SNRPA: variants seen among roughly 807,000 people sequenced by gnomAD.
SNRPA encodes small nuclear ribonucleoprotein polypeptide A.
In SNRPA, 10 loss-of-function variants were observed where a neutral mutation model predicts 24.5. The observed-to-expected ratio is 0.41, with a 90% CI of 0.25 to 0.69. The LOEUF (loss-of-function observed/expected upper bound fraction) is 0.69. SNRPA is among the 30% of genes least tolerant of loss of function. The pLI is 0.33. For synonymous variants in SNRPA, 165 were observed against 148.4 expected, an observed-to-expected ratio of 1.11 and a Z score of -0.81; for missense variants, 283 against 394.7, an observed-to-expected ratio of 0.72 and a Z score of 2.40.
At chr19:40,752,579 CAAAAAAA>C (rs59705765) in intron 1 of SNRPA, among the ~76,000 whole-genome samples, 1 of 61,280 alleles carries the variant, frequency 1.6e-5, no homozygotes, top group African/African-American at 6.5e-5. Context: ...CTTTTCTCTA[CAAAAAAA>C]AAAAAAAAAA....
intron 1 of SNRPA, among the ~76,000 whole-genome samples, chr19:40,756,197 AG>A (rs1487683894): frequency 6.6e-6 from 1 of 151,452 alleles, no homozygotes; most frequent in Non-Finnish European, 1.5e-5. Context: ...TGAGCCTGGG[AG>A]GTCAGGCCTG....
chr19:40,755,756 T>G (rs902172840), intron 1 of SNRPA, among the ~76,000 whole-genome samples: 2 of 152,200 alleles, frequency 1.3e-5, no homozygotes, highest in African/African-American at 4.8e-5. Flanking sequence ...CTTGTTGAGC[T>G]TGAATCTCAC....
chr19:40,754,716 A>G (rs2082901065), intron 1 of SNRPA, among the ~76,000 whole-genome samples: 1 of 152,114 alleles, frequency 6.6e-6, no homozygotes, highest in Admixed American at 6.6e-5. Context: ...TGAGCTGTGC[A>G]CTGGTGGCTC....
chr19:40,759,699 C>A, intron 3 of SNRPA, 89 bp downstream of exon 3: 1 of 1,209,602 alleles, frequency 8.3e-7, no homozygotes, highest in South Asian at 1.6e-5. Flanking sequence ...GGAGAGTTCT[C>A]CCCTTGGGGC....
intron 4 of SNRPA, 91 bp from the exon 5 acceptor site, chr19:40,763,495 AG>A: frequency 1.0e-6 from 1 of 983,788 alleles, no homozygotes; most frequent in Non-Finnish European, 1.6e-6. Context: ...AGTGAATTCA[AG>A]CAGGGTGAGG....
chr19:40,754,292 G>A (rs962918238), intron 1 of SNRPA, among the ~76,000 whole-genome samples: 5 of 151,888 alleles, frequency 3.3e-5, no homozygotes, highest in African/African-American at 9.7e-5. Flanking sequence ...TAGTAGAGAC[G>A]GGGTTTCACC....
At chr19:40,758,838 T>A (rs919377436) in intron 2 of SNRPA, 2 of 152,124 alleles carry the variant, frequency 1.3e-5, no homozygotes, top group Non-Finnish European at 2.9e-5. Context: ...GCGATTCTTC[T>A]GCCTCAGCCT....
chr19:40,755,434 G>A (rs2082905040), intron 1 of SNRPA, among the ~76,000 whole-genome samples: 1 of 151,652 alleles, frequency 6.6e-6, no homozygotes, highest in Non-Finnish European at 1.5e-5. Context: ...GAGTCCAGTG[G>A]TGAGGTCATG....
At chr19:40,762,788 C>T (rs1178367896) in intron 3 of SNRPA, 113 bp from the exon 4 acceptor site, 5 of 1,142,564 alleles carry the variant, frequency 4.4e-6, no homozygotes, top group Non-Finnish European at 6.2e-6. Context: ...GCCTTTTGCG[C>T]CTCTTTCTGG....
At chr19:40,757,607 T>G in intron 2 of SNRPA, 103 bp downstream of exon 2, 1 of 1,162,228 alleles carries the variant, frequency 8.6e-7, no homozygotes, top group Non-Finnish European at 1.2e-6. Context: ...TTTGCCAAGG[T>G]GAGGCTGGAC....
chr19:40,753,265 A>G (rs1043004055), intron 1 of SNRPA, among the ~76,000 whole-genome samples: 13 of 151,344 alleles, frequency 8.6e-5, no homozygotes, highest in African/African-American at 3.2e-4. Context: ...TGAGCAGGAG[A>G]ATCACTTGAA....
chr19:40,754,229 A>C lies in SNRPA; in HGVS notation c.73+2748A>C, dbSNP rs554358812. Among the ~76,000 whole-genome samples the C allele has an allele frequency of 3.3e-5, 5 of 151,710 alleles. No individual in the cohort carries two copies. In the East Asian group the frequency reaches 9.7e-4, roughly 29 times the overall value. On this transcript the variant is annotated intron_variant, in intron 1 of 5. Transcript: ENST00000243563. Reference sequence around the variant, plus strand: ...AGTGATTCTCTGCCTCAGCCTCCTGAGTAGCTGGGATTCCAAGCACCTGCT... The same window carrying C: ...AGTGATTCTCTGCCTCAGCCTCCTGCGTAGCTGGGATTCCAAGCACCTGCT...
Position 40,757,505 on chromosome 19 carries a change from G to A in SNRPA, c.246+1G>A. 10 of 1,608,902 alleles carry A rather than the reference G, an allele frequency of 6.2e-6. No individual in the cohort carries two copies. The highest frequency in any genetic ancestry group is 8.5e-6 in the Non-Finnish European group (10 of 1,177,462). Reference sequence around the variant, plus strand: ...TTTCCCTTTCTATGACAAACCTATGGTGAGCATTGCGGGTACGGAGGCTGT... The same window carrying A: ...TTTCCCTTTCTATGACAAACCTATGATGAGCATTGCGGGTACGGAGGCTGT... On this transcript the variant is annotated splice_donor_variant, in intron 2 of 5. Transcript: ENST00000243563. LOFTEE classifies it high-confidence loss of function.
intron 1 of SNRPA, among the ~76,000 whole-genome samples, chr19:40,751,812 G>GT (rs1398752426): frequency 5.9e-5 from 9 of 152,106 alleles, no homozygotes. Flanking sequence ...CTGAGCTGTC[G>GT]TGGGGCTCTC....
chr19:40,751,358 G>A lies in SNRPA; in HGVS notation c.-51G>A, dbSNP rs1248809606. 7.1e-7 allele frequency: 1 copy of A among 1,402,084 alleles called. No individual in the cohort carries two copies. The highest frequency in any genetic ancestry group is 1.2e-5 in the South Asian group (1 of 86,746). The allele number at this position is 1,402,084 out of a possible 1,614,324, so 86.9% of individuals were successfully genotyped here. On this transcript the variant is annotated 5_prime_UTR_variant, in exon 1 of 6. Coordinates refer to ENST00000243563, the MANE Select transcript of SNRPA (RefSeq NM_004596.5). Reference sequence around the variant, plus strand: ...GGACAAAGGATTTGGAGAAACCCAGGGCTAAAGTCACGTTTTTCCTCCTTT... The same window carrying A: ...GGACAAAGGATTTGGAGAAACCCAGAGCTAAAGTCACGTTTTTCCTCCTTT...
chr19:40,764,531 A>G (rs970670072), intron 5 of SNRPA, among the ~76,000 whole-genome samples: 1 of 152,184 alleles, frequency 6.6e-6, no homozygotes, highest in Non-Finnish European at 1.5e-5. Flanking sequence ...AGCATATCAG[A>G]AAAGTGAGGG....
chr19:40,764,624 C>T (rs1568486385), intron 5 of SNRPA, among the ~76,000 whole-genome samples: 1 of 152,008 alleles, frequency 6.6e-6, no homozygotes, highest in Non-Finnish European at 1.5e-5. Flanking sequence ...GTCAGGAGTT[C>T]GAGGCCAATG....
intron 1 of SNRPA, among the ~76,000 whole-genome samples, chr19:40,752,174 C>T (rs534036050): frequency 6.6e-6 from 1 of 151,910 alleles, no homozygotes; most frequent in East Asian, 1.9e-4. Flanking sequence ...CCTTTCTCTA[C>T]TGAAAATACA....
Position 40,751,221 on chromosome 19 carries a change from G to C in SNRPA, c.-188G>C, listed in dbSNP as rs754376590. On this transcript the variant is annotated 5_prime_UTR_variant, in exon 1 of 6. Coordinates refer to ENST00000243563, the MANE Select transcript of SNRPA (RefSeq NM_004596.5). ...GAGAGTTCTCTCCGCACGCGGGCTG[G>C]AGAAGCGGGTCCTACGCACGCTTTG... The C allele has an allele frequency of 1.6e-6, 1 of 622,350 alleles. No individual in the cohort carries two copies. Among genetic ancestry groups the C allele is most frequent in the Non-Finnish European group, 2.9e-6 (1 of 343,074 alleles). The allele number at this position is 622,350 out of a possible 1,614,324, so 38.6% of individuals were successfully genotyped here.
Sources: gnomAD v4.1 joint callset for allele counts (sites outside exome capture counted in the v4.1 genomes callset) on GRCh38, gnomAD v4.1.1 for gene constraint, MANE v1.5 for transcripts, NCBI Gene and HGNC (gene_info 2026-07-23, HGNC 2026-07-21) for gene names.